AGBL1: variants seen among roughly 807,000 people sequenced by gnomAD.
AGBL1 encodes the protein cytosolic carboxypeptidase 4.
AGBL1 carries 130 observed loss-of-function variants against 118.9 expected under a neutral mutation model. That is an observed-to-expected ratio of 1.09 (90% CI 0.95 to 1.26). AGBL1 has a LOEUF of 1.26. Ranked by LOEUF, AGBL1 falls within the 50% of genes most tolerant of loss-of-function variation. AGBL1 has a pLI of 0.00. For synonymous variants in AGBL1, 555 were observed against 478.9 expected (o/e 1.16, Z -2.08); for missense variants, 1,584 against 1,298.1 (o/e 1.22, Z -3.38).
chr15:86,435,089 C>T (rs1019607846), intron 18 of AGBL1, among the ~76,000 whole-genome samples: 8 of 152,152 alleles, frequency 5.3e-5, no homozygotes, highest in East Asian at 1.9e-4. Context: ...ATGGACAACT[C>T]AGATGGTTCT....
intron 1 of AGBL1, among the ~76,000 whole-genome samples, chr15:86,113,247 CTTTTCT>C (rs142590600): frequency 5.3e-5 from 3 of 56,728 alleles, no homozygotes; most frequent in African/African-American, 2.0e-4. Flanking sequence ...CTTTTCTTTT[CTTTTCT>C]TTTCTTTCTT....
At chr15:86,760,532 T>C (rs2078009026) in intron 22 of AGBL1, among the ~76,000 whole-genome samples, 1 of 152,038 alleles carries the variant, frequency 6.6e-6, no homozygotes, top group Non-Finnish European at 1.5e-5. Context: ...AGAGATGTCT[T>C]TGCTGCTTGC....
intron 5 of AGBL1, among the ~76,000 whole-genome samples, chr15:86,215,259 G>A (rs1020134789): frequency 6.6e-6 from 1 of 150,984 alleles, no homozygotes; most frequent in South Asian, 2.1e-4. Context: ...GTGTGTGTGT[G>A]TGTGTGATTT....
chr15:87,003,374 G>T (rs947320385), intron 24 of AGBL1, among the ~76,000 whole-genome samples: 4 of 147,134 alleles, frequency 2.7e-5, no homozygotes, highest in South Asian at 4.7e-4. Flanking sequence ...GCTGGATTTG[G>T]TTTGCCAGTA....
intron 24 of AGBL1, among the ~76,000 whole-genome samples, chr15:87,024,959 CGACATACAAGG>C (rs2081710167): frequency 6.6e-6 from 1 of 151,634 alleles, no homozygotes; most frequent in Non-Finnish European, 1.5e-5. Context: ...TCAGTAAAAT[CGACATACAAGG>C]GACATACCTC....
chr15:86,892,539 T>G (rs1033009556), intron 22 of AGBL1, among the ~76,000 whole-genome samples: 5 of 152,146 alleles, frequency 3.3e-5, no homozygotes, highest in Non-Finnish European at 7.4e-5. Context: ...ATTGGGAAAA[T>G]TATCTAAACT....
At chr15:86,731,414 G>A (rs551620595) in intron 22 of AGBL1, among the ~76,000 whole-genome samples, 29 of 152,244 alleles carry the variant, frequency 1.9e-4, no homozygotes, top group Admixed American at 5.2e-4. Flanking sequence ...TGTCACCAGG[G>A]ATCTCCAAAT....
At chr15:86,764,421 T>A (rs2078067951) in intron 22 of AGBL1, among the ~76,000 whole-genome samples, 1 of 151,994 alleles carries the variant, frequency 6.6e-6, no homozygotes, top group Non-Finnish European at 1.5e-5. Context: ...TTGGCCAAAG[T>A]AATTAACTGA....
chr15:86,751,889 ATGTTT>A lies in AGBL1; in HGVS notation c.3158+77455_3158+77459del, dbSNP rs2077859274. Among the ~76,000 whole-genome samples, 4 of 151,904 alleles carry A rather than the reference ATGTTT, an allele frequency of 2.6e-5. No individual in the cohort carries two copies. In the South Asian group the frequency reaches 8.3e-4, roughly 31 times the overall value. The stretch of plus-strand genomic sequence containing the variant: ...GTAAAGCCCTTTTAGGGAAAAAAAC[ATGTTT>A]TAATCACAGGTCCCAGAATTTTAGA... On this transcript the variant is annotated intron_variant, in intron 22 of 22. Coordinates refer to ENST00000614907, the MANE Select transcript of AGBL1 (RefSeq NM_001386094.1).
intron 6 of AGBL1, among the ~76,000 whole-genome samples, chr15:86,239,032 A>G (rs1355162943): frequency 2.0e-5 from 3 of 152,192 alleles, no homozygotes; most frequent in African/African-American, 4.8e-5. Context: ...TGTGTGAGGA[A>G]GAGAAAGGTG....
chr15:86,177,533 T>C (rs1052468227), intron 5 of AGBL1, among the ~76,000 whole-genome samples: 19 of 152,216 alleles, frequency 1.2e-4, no homozygotes, highest in Non-Finnish European at 7.3e-5. Flanking sequence ...CAAAGATAGA[T>C]AATATTATGA....
At chr15:86,766,993 A>T (rs1328409009) in intron 22 of AGBL1, among the ~76,000 whole-genome samples, 1 of 151,998 alleles carries the variant, frequency 6.6e-6, no homozygotes, top group East Asian at 1.9e-4. Context: ...GTAAAATATT[A>T]GATTAAAATT....
intron 23 of AGBL1, among the ~76,000 whole-genome samples, chr15:86,965,833 T>C (rs2081046251): frequency 6.6e-6 from 1 of 151,948 alleles, no homozygotes; most frequent in African/African-American, 2.4e-5. Flanking sequence ...GGAGGGAACA[T>C]CACACACCGG....
At chr15:86,893,039 T>G (rs996859342) in intron 22 of AGBL1, among the ~76,000 whole-genome samples, 2 of 152,128 alleles carry the variant, frequency 1.3e-5, no homozygotes, top group African/African-American at 2.4e-5. Flanking sequence ...TAGCAGGGTG[T>G]GGGCAATGCT....
At chr15:86,184,227 AAGTAGCATCC>A (rs968958529) in intron 5 of AGBL1, among the ~76,000 whole-genome samples, 25 of 152,304 alleles carry the variant, frequency 1.6e-4, no homozygotes, top group Admixed American at 6.5e-4. Flanking sequence ...TGTTCATTCC[AAGTAGCATCC>A]TAGTAGTAGT....
intron 17 of AGBL1, among the ~76,000 whole-genome samples, chr15:86,298,263 A>ATATATATGGTAAC (rs1567185689): frequency 2.5e-5 from 2 of 80,178 alleles, no homozygotes; most frequent in African/African-American, 4.9e-5. Context: ...ATATATATAT[A>ATATATATGGTAAC]TATATATATA....
chr15:86,457,879 G>A (rs1268847827), intron 18 of AGBL1, among the ~76,000 whole-genome samples: 1 of 152,144 alleles, frequency 6.6e-6, no homozygotes, highest in African/African-American at 2.4e-5. Flanking sequence ...CTCTGGGCCT[G>A]GGATTAGTGA....
chr15:86,942,387 C>T (rs566807656), intron 23 of AGBL1, among the ~76,000 whole-genome samples: 10 of 152,248 alleles, frequency 6.6e-5, no homozygotes, highest in Admixed American at 2.6e-4. Flanking sequence ...ACTCTACTGT[C>T]GGGAAGTTTC....
At chr15:86,464,353 G>T (rs1229598417) in intron 18 of AGBL1, among the ~76,000 whole-genome samples, 2 of 152,136 alleles carry the variant, frequency 1.3e-5, no homozygotes, top group Non-Finnish European at 2.9e-5. Context: ...AGACGATGGG[G>T]TTTTCTAAAT....
Sources: allele counts gnomAD v4.1 joint callset (sites outside exome capture counted in the v4.1 genomes callset), GRCh38; gene constraint gnomAD v4.1.1; transcripts MANE v1.5; gene names NCBI Gene and HGNC (gene_info 2026-07-23, HGNC 2026-07-21).